Variants in SSH2 observed in about 807,000 individuals in gnomAD.
SSH2 encodes protein phosphatase Slingshot homolog 2.
SSH2 carries 37 observed loss-of-function variants against 135.2 expected under a neutral mutation model. The ratio of observed to expected loss-of-function variants is 0.27; its 90% CI spans 0.21 to 0.36. SSH2 has a LOEUF of 0.36. SSH2 is among the 10% of genes least tolerant of loss of function. SSH2 has a pLI of 1.00. For missense variants in SSH2, 1,408 were observed against 1,765.3 expected (o/e 0.80, Z 3.63); for synonymous variants, 628 against 646.2 (o/e 0.97, Z 0.43).
chr17:29,919,475 G>A (rs1206201067), intron 1 of SSH2, among the ~76,000 whole-genome samples: 2 of 152,166 alleles, frequency 1.3e-5, no homozygotes, highest in Non-Finnish European at 2.9e-5. Flanking sequence ...CAGTAGCTTT[G>A]CTGCTCAGAT....
At chr17:29,751,081 G>C (rs776324434) in intron 3 of SSH2, among the ~76,000 whole-genome samples, 1 of 152,088 alleles carries the variant, frequency 6.6e-6, no homozygotes, top group African/African-American at 2.4e-5. Context: ...TGAAGGACCT[G>C]CCTGAGGCAG....
At chr17:29,717,369 C>T (rs551985169) in intron 3 of SSH2, among the ~76,000 whole-genome samples, 23 of 152,336 alleles carry the variant, frequency 1.5e-4, no homozygotes, top group African/African-American at 5.1e-4. Context: ...CTTCTGGACT[C>T]AAGCAATCCT....
intron 9 of SSH2, among the ~76,000 whole-genome samples, chr17:29,670,667 G>A (rs1390280366): frequency 6.6e-6 from 1 of 152,138 alleles, no homozygotes; most frequent in South Asian, 2.1e-4. Flanking sequence ...CCAGCTACTC[G>A]GGAGGCTGAG....
chr17:29,724,528 C>CAAAA (rs1174810786), intron 3 of SSH2, among the ~76,000 whole-genome samples: 8,113 of 59,704 alleles, frequency 0.14, 671 homozygotes, highest in East Asian at 0.17. Context: ...AACTCTGTCT[C>CAAAA]AAAAAAAAAA....
chr17:29,872,656 G>A (rs1267479077), intron 1 of SSH2, among the ~76,000 whole-genome samples: 1 of 152,156 alleles, frequency 6.6e-6, no homozygotes, highest in East Asian at 1.9e-4. Flanking sequence ...AAGGTGCTAT[G>A]GAGTACAAGA....
intron 14 of SSH2, among the ~76,000 whole-genome samples, chr17:29,640,368 G>A (rs990913191): frequency 6.6e-6 from 1 of 152,120 alleles, no homozygotes; most frequent in East Asian, 1.9e-4. Flanking sequence ...GAGCCACCAC[G>A]CCCGGCCCCT....
chr17:29,847,499 G>A (rs534081338), intron 2 of SSH2, among the ~76,000 whole-genome samples: 1 of 152,256 alleles, frequency 6.6e-6, no homozygotes, highest in African/African-American at 2.4e-5. Context: ...GGAGGGTGGT[G>A]CTCAATAGGA....
At chr17:29,749,991 C>T (rs894165257) in intron 3 of SSH2, among the ~76,000 whole-genome samples, 1 of 151,956 alleles carries the variant, frequency 6.6e-6, no homozygotes, top group Non-Finnish European at 1.5e-5. Flanking sequence ...CTTGGCCTCC[C>T]GAAGTGCTGG....
chr17:29,635,324 C>T (rs118160089), intron 15 of SSH2, among the ~76,000 whole-genome samples: 2,896 of 152,324 alleles, frequency 0.019, 36 homozygotes, highest in Middle Eastern at 0.054. Context: ...TCTATCTTCT[C>T]AGAGACACAG....
intron 1 of SSH2, among the ~76,000 whole-genome samples, chr17:29,896,846 G>C (rs1255332842): frequency 6.6e-6 from 1 of 151,678 alleles, no homozygotes. Context: ...GAGTAAGTCT[G>C]TAATTAAATG....
intron 3 of SSH2, among the ~76,000 whole-genome samples, chr17:29,779,500 A>ATGTG (rs1189375318): frequency 1.3e-5 from 2 of 152,164 alleles, no homozygotes; most frequent in African/African-American, 4.8e-5. Context: ...AGTGTAACCC[A>ATGTG]CATGGTGGGA....
chr17:29,724,547 C>A (rs113976805), intron 3 of SSH2, among the ~76,000 whole-genome samples: 45,376 of 103,752 alleles, frequency 0.44, 10,643 homozygotes, highest in Non-Finnish European at 0.5. Flanking sequence ...AAAAAAAAAA[C>A]AAAACCCTAT....
intron 3 of SSH2, among the ~76,000 whole-genome samples, chr17:29,766,286 G>A (rs928486705): frequency 1.3e-5 from 2 of 151,540 alleles, no homozygotes; most frequent in Admixed American, 6.6e-5. Context: ...CTTGAACCCA[G>A]GAGTTTGAGA....
chr17:29,923,071 C>T (rs1165695062), intron 1 of SSH2, among the ~76,000 whole-genome samples: 1 of 152,104 alleles, frequency 6.6e-6, no homozygotes, highest in Non-Finnish European at 1.5e-5. Flanking sequence ...CCGCCACACC[C>T]AGCTAATTTT....
chr17:29,761,666 G>A (rs1043701730), intron 3 of SSH2, among the ~76,000 whole-genome samples: 7 of 152,148 alleles, frequency 4.6e-5, no homozygotes, highest in South Asian at 2.1e-4. Flanking sequence ...TTTCTCTAAA[G>A]GAGGATGTTT....
intron 11 of SSH2, among the ~76,000 whole-genome samples, chr17:29,659,229 A>C (rs2036920702): frequency 1.3e-5 from 2 of 152,164 alleles, no homozygotes; most frequent in Non-Finnish European, 1.5e-5. Context: ...TATTTGTGGA[A>C]GCAGGTTTGC....
intron 1 of SSH2, among the ~76,000 whole-genome samples, chr17:29,896,702 A>G (rs532924596): frequency 1.3e-5 from 2 of 151,546 alleles, no homozygotes; most frequent in South Asian, 2.1e-4. Context: ...TAAATTTTCT[A>G]TGTATCATAT....
At chr17:29,829,908 C>T (rs1294127888) in intron 2 of SSH2, among the ~76,000 whole-genome samples, 1 of 149,156 alleles carries the variant, frequency 6.7e-6, no homozygotes, top group Non-Finnish European at 1.5e-5. Flanking sequence ...GGTGCAATCT[C>T]GGTTCACTGC....
intron 1 of SSH2, among the ~76,000 whole-genome samples, chr17:29,920,310 A>C (rs887288515): frequency 2.6e-5 from 4 of 152,214 alleles, no homozygotes; most frequent in Non-Finnish European, 5.9e-5. Flanking sequence ...GCCGGATAGG[A>C]AAGATGAGAA....
Sources: gnomAD v4.1 joint callset for allele counts (sites outside exome capture counted in the v4.1 genomes callset) on GRCh38, gnomAD v4.1.1 for gene constraint, MANE v1.5 for transcripts, NCBI Gene and HGNC (gene_info 2026-07-23, HGNC 2026-07-21) for gene names.